The following CA10 variants were observed in gnomAD, a reference collection of about 807,000 sequenced individuals.
CA10 encodes the protein carbonic anhydrase 10 (inactive), also known as carbonic anhydrase-related protein 10.
Under a neutral mutation model 44.2 loss-of-function variants are expected in CA10, and 14 were observed. The observed-to-expected ratio is 0.32, with a 90% CI of 0.21 to 0.50. The LOEUF is 0.50. Among genes scored for constraint, CA10 ranks in the 20% least tolerant of loss-of-function variants. The pLI, the probability that CA10 is intolerant of heterozygous loss-of-function variation, is 0.99. For synonymous variants in CA10, 159 were observed against 141.6 expected, an observed-to-expected ratio of 1.12 and a Z score of -0.87; for missense variants, 350 against 409.7, an observed-to-expected ratio of 0.85 and a Z score of 1.26.
At chr17:51,974,201 T>G (rs987305349) in intron 2 of CA10, among the ~76,000 whole-genome samples, 1 of 151,730 alleles carries the variant, frequency 6.6e-6, no homozygotes, top group Non-Finnish European at 1.5e-5. Flanking sequence ...CTGGCCAACA[T>G]GGTGAAACTC....
At chr17:51,820,618 T>C (rs1907745354) in intron 3 of CA10, among the ~76,000 whole-genome samples, 1 of 152,114 alleles carries the variant, frequency 6.6e-6, no homozygotes, top group Non-Finnish European at 1.5e-5. Flanking sequence ...GCTACTTTAA[T>C]AGGGCAGAAA....
At chr17:51,731,214 T>C (rs1337503259) in intron 4 of CA10, among the ~76,000 whole-genome samples, 1 of 152,100 alleles carries the variant, frequency 6.6e-6, no homozygotes, top group Non-Finnish European at 1.5e-5. Context: ...CCATCTCTAC[T>C]AAAAATACAA....
chr17:51,997,305 T>G (rs1301652242), intron 2 of CA10, among the ~76,000 whole-genome samples: 1 of 152,116 alleles, frequency 6.6e-6, no homozygotes, highest in Non-Finnish European at 1.5e-5. Context: ...TACCTAGCGC[T>G]GTTTTGTTCA....
chr17:51,907,460 A>G (rs937084637), intron 3 of CA10, among the ~76,000 whole-genome samples: 1 of 152,098 alleles, frequency 6.6e-6, no homozygotes, highest in Admixed American at 6.6e-5. Flanking sequence ...AATATTTTAC[A>G]TATATATGTA....
At chr17:52,120,456 CCTTATCCTTATCCTTAT>C (rs1988991496) in intron 1 of CA10, among the ~76,000 whole-genome samples, 1 of 151,890 alleles carries the variant, frequency 6.6e-6, no homozygotes, top group Non-Finnish European at 1.5e-5. Context: ...TTATCCTTAT[CCTTATCCTTATCCTTAT>C]CCTTATCTTT....
rs1425332208 is a variant in CA10, at chr17:51,813,504, T to C, written c.280-65686A>G. On this transcript the variant is annotated intron_variant, in intron 3 of 8. Coordinates refer to ENST00000451037, the MANE Select transcript of CA10 (RefSeq NM_020178.5). ...GGAGCACTTTCAGATGATCAGGACC[T>C]GTTCAGAACTCCAGTAACTCACTCT... 2.0e-5 allele frequency among the ~76,000 whole-genome samples: 3 copies of C among 152,316 alleles called. No homozygotes were observed. In the South Asian group the frequency reaches 6.2e-4, roughly 32 times the overall value.
chr17:51,890,183 C>T (rs772149463), intron 3 of CA10, among the ~76,000 whole-genome samples: 26 of 152,272 alleles, frequency 1.7e-4, no homozygotes, highest in Non-Finnish European at 3.1e-4. Context: ...GTTGTTGTAA[C>T]GCATTTTTAC....
intron 4 of CA10, among the ~76,000 whole-genome samples, chr17:51,669,135 G>A (rs7210531): frequency 0.016 from 2,498 of 152,356 alleles, 55 homozygotes; most frequent in South Asian, 0.041. Context: ...GAGTGCAGGC[G>A]CGGGACCAGA....
intron 2 of CA10, among the ~76,000 whole-genome samples, chr17:51,973,158 A>G (rs1004261178): frequency 2.4e-4 from 37 of 152,256 alleles, no homozygotes; most frequent in Non-Finnish European, 3.2e-4. Flanking sequence ...CTAGAAGTTA[A>G]TATTTTCAGA....
At chr17:52,030,394 G>A (rs181841060) in intron 2 of CA10, among the ~76,000 whole-genome samples, 2 of 152,104 alleles carry the variant, frequency 1.3e-5, no homozygotes, top group African/African-American at 4.8e-5. Flanking sequence ...CCATGGAGAG[G>A]AGGAGGTGGG....
chr17:51,895,808 G>A (rs1981044688), intron 3 of CA10, among the ~76,000 whole-genome samples: 1 of 151,938 alleles, frequency 6.6e-6, no homozygotes, highest in South Asian at 2.1e-4. Context: ...ATTTGGACAG[G>A]AAAACAATTT....
chr17:51,904,222 A>G (rs1003675146), intron 3 of CA10, among the ~76,000 whole-genome samples: 2 of 151,980 alleles, frequency 1.3e-5, no homozygotes, highest in East Asian at 1.9e-4. Context: ...CTCTTATTAT[A>G]TTCTTAGAAG....
chr17:51,728,987 A>T (rs1214175307), intron 4 of CA10, among the ~76,000 whole-genome samples: 1 of 152,176 alleles, frequency 6.6e-6, no homozygotes, highest in East Asian at 1.9e-4. Flanking sequence ...TGAAAAGACC[A>T]GGGGGAGGAG....
Position 51,703,281 on chromosome 17 carries a change from G to A in CA10, c.465+44352C>T, listed in dbSNP as rs548354297. Among the ~76,000 whole-genome samples, 16 of 152,196 alleles carry A rather than the reference G, an allele frequency of 1.1e-4. No individual in the cohort carries two copies. In the East Asian group the frequency reaches 1.9e-3, roughly 18 times the overall value. On this transcript the variant is annotated intron_variant, in intron 4 of 8. Transcript: ENST00000451037. The stretch of plus-strand genomic sequence containing the variant: ...ATGTTTTCTTTGTTCATTAGTTATA[G>A]TGATTATGTTCTAAATAACTCCAAC...
intron 3 of CA10, among the ~76,000 whole-genome samples, chr17:51,853,023 TA>T (rs11293343): frequency 0.2 from 30,393 of 151,998 alleles, 5,443 homozygotes; most frequent in African/African-American, 0.48. Flanking sequence ...TATTTAGAAA[TA>T]GGGGGGCTTT....
chr17:51,643,511 G>GT (rs1413518199), intron 6 of CA10, among the ~76,000 whole-genome samples: 1 of 152,202 alleles, frequency 6.6e-6, no homozygotes, highest in East Asian at 1.9e-4. Flanking sequence ...GTTCAGGCTA[G>GT]TTTTTTTCAT....
At chr17:51,997,539 T>C (rs973005548) in intron 2 of CA10, among the ~76,000 whole-genome samples, 1 of 152,108 alleles carries the variant, frequency 6.6e-6, no homozygotes. Flanking sequence ...GAGGAACCTA[T>C]GGATACCTTG....
At chr17:51,754,420 T>G (rs1490075004) in intron 3 of CA10, among the ~76,000 whole-genome samples, 2 of 78,036 alleles carry the variant, frequency 2.6e-5, no homozygotes, top group Non-Finnish European at 5.6e-5. Flanking sequence ...TATATATATA[T>G]ATATATATAT....
intron 2 of CA10, among the ~76,000 whole-genome samples, chr17:51,993,618 T>A (rs551004532): frequency 1.3e-5 from 2 of 152,214 alleles, no homozygotes; most frequent in East Asian, 1.9e-4. Context: ...TATCATTGTA[T>A]TCTGCTTAAG....
Sources: allele counts gnomAD v4.1 joint callset (sites outside exome capture counted in the v4.1 genomes callset), GRCh38; gene constraint gnomAD v4.1.1; transcripts MANE v1.5; gene names NCBI Gene and HGNC (gene_info 2026-07-23, HGNC 2026-07-21).